Variants in GRID1 observed in about 807,000 individuals in gnomAD.
GRID1 encodes glutamate ionotropic receptor delta type subunit 1.
GRID1 carries 28 observed loss-of-function variants against 98.0 expected under a neutral mutation model. The observed-to-expected ratio is 0.29, with a 90% confidence interval of 0.21 to 0.39. The LOEUF (loss-of-function observed/expected upper bound fraction) is 0.39. Ranked by LOEUF, GRID1 falls within the 10% of genes least tolerant of loss-of-function variation. GRID1 has a pLI of 1.00. For missense variants in GRID1, 1,111 were observed against 1,340.5 expected, an observed-to-expected ratio of 0.83 and a Z score of 2.67; for synonymous variants, 553 against 538.5, an observed-to-expected ratio of 1.03 and a Z score of -0.37.
chr10:86,276,052 A>G (rs2814355), intron 2 of GRID1, among the ~76,000 whole-genome samples: 116 of 152,250 alleles, frequency 7.6e-4, no homozygotes, highest in Non-Finnish European at 1.5e-3. Flanking sequence ...GTCATGTACA[A>G]GGGATTCCCA....
intron 2 of GRID1, among the ~76,000 whole-genome samples, chr10:86,226,486 T>C (rs554228092): frequency 6.4e-4 from 4 of 6,220 alleles, no homozygotes; most frequent in African/African-American, 1.7e-3. Context: ...CACCCCAGCA[T>C]ACCCTCCCAC....
intron 8 of GRID1, among the ~76,000 whole-genome samples, chr10:85,732,765 C>G (rs1841839797): frequency 1.3e-5 from 2 of 152,132 alleles, no homozygotes; most frequent in South Asian, 4.1e-4. Flanking sequence ...ATTCCTTTTT[C>G]TTACAGAATA....
At chr10:86,354,473 C>T (rs934559196) in intron 2 of GRID1, among the ~76,000 whole-genome samples, 3 of 152,164 alleles carry the variant, frequency 2.0e-5, no homozygotes, top group African/African-American at 4.8e-5. Context: ...ACCCCTCTCT[C>T]GGGCGCCATG....
At chr10:85,787,504 C>G (rs188974366) in intron 8 of GRID1, among the ~76,000 whole-genome samples, 30 of 152,298 alleles carry the variant, frequency 2.0e-4, no homozygotes, top group African/African-American at 7.0e-4. Flanking sequence ...TCACTCATCC[C>G]TCCCACAGGA....
intron 5 of GRID1, among the ~76,000 whole-genome samples, chr10:85,876,780 G>C (rs961123109): frequency 6.6e-6 from 1 of 152,228 alleles, no homozygotes; most frequent in African/African-American, 2.4e-5. Flanking sequence ...GCAGCGCACC[G>C]TGTGCCAGCC....
At chr10:85,696,760 T>C (rs1841399492) in intron 12 of GRID1, among the ~76,000 whole-genome samples, 1 of 152,018 alleles carries the variant, frequency 6.6e-6, no homozygotes, top group African/African-American at 2.4e-5. Context: ...AAAACTCTTT[T>C]TTTGTTTCTA....
Position 86,138,811 on chromosome 10 carries a change from T to C in GRID1, c.726+8A>G. ...AGGCCCCTGAGGCCTCAGGCCCCCA[T>C]GACCTACCTCGTTGATGAAGGAGTG... On this transcript the variant is annotated splice_region_variant and intron_variant, in intron 4 of 15. Transcript: ENST00000327946. 1 of 1,611,710 alleles carries C rather than the reference T, an allele frequency of 6.2e-7. No homozygotes were observed. The highest frequency in any genetic ancestry group is 1.1e-5 in the South Asian group (1 of 91,036).
At chr10:85,722,086 T>A (rs1841709039) in intron 12 of GRID1, among the ~76,000 whole-genome samples, 1 of 152,206 alleles carries the variant, frequency 6.6e-6, no homozygotes, top group East Asian at 1.9e-4. Flanking sequence ...AATATCATAC[T>A]GAATCTTGAA....
chr10:86,296,106 T>C (rs553685721), intron 2 of GRID1, among the ~76,000 whole-genome samples: 2 of 152,350 alleles, frequency 1.3e-5, no homozygotes, highest in Admixed American at 1.3e-4. Flanking sequence ...ACACCATGGC[T>C]GGCAGCCACA....
chr10:86,158,290 A>T (rs1378631971), intron 3 of GRID1, among the ~76,000 whole-genome samples: 1 of 152,178 alleles, frequency 6.6e-6, no homozygotes, highest in African/African-American at 2.4e-5. Context: ...CAATGAAAAC[A>T]CTGATTACAA....
intron 12 of GRID1, among the ~76,000 whole-genome samples, chr10:85,652,712 C>A (rs903250417): frequency 6.6e-6 from 1 of 152,144 alleles, no homozygotes; most frequent in East Asian, 1.9e-4. Flanking sequence ...GCACCATGAC[C>A]CACCCTGCTG....
chr10:86,239,211 T>G (rs1022824785), intron 2 of GRID1, among the ~76,000 whole-genome samples: 1 of 152,234 alleles, frequency 6.6e-6, no homozygotes, highest in African/African-American at 2.4e-5. Context: ...AGCTTTAAGA[T>G]TTAGTGACTG....
At chr10:86,352,173 TGA>T (rs942868099) in intron 2 of GRID1, among the ~76,000 whole-genome samples, 12 of 152,290 alleles carry the variant, frequency 7.9e-5, no homozygotes, top group African/African-American at 2.6e-4. Flanking sequence ...TGGTTCGAGA[TGA>T]GAGTCACCCA....
intron 12 of GRID1, among the ~76,000 whole-genome samples, chr10:85,654,840 G>GTGCCCTGT (rs1443296365): frequency 6.6e-6 from 1 of 152,242 alleles, no homozygotes; most frequent in Admixed American, 6.5e-5. Context: ...TGGTGCCCTG[G>GTGCCCTGT]TCCCAAATCA....
intron 15 of GRID1, among the ~76,000 whole-genome samples, chr10:85,603,330 G>C (rs1024726165): frequency 6.6e-6 from 1 of 152,116 alleles, no homozygotes; most frequent in African/African-American, 2.4e-5. Flanking sequence ...ATCCCTGTCT[G>C]GAAGGGCAAG....
intron 8 of GRID1, among the ~76,000 whole-genome samples, chr10:85,843,169 C>T (rs1842975578): frequency 6.6e-6 from 1 of 151,794 alleles, no homozygotes. Flanking sequence ...TGGCAAAGGT[C>T]CAAAAGCAAT....
At chr10:86,016,969 C>G (rs930140215) in intron 4 of GRID1, among the ~76,000 whole-genome samples, 1 of 152,186 alleles carries the variant, frequency 6.6e-6, no homozygotes, top group African/African-American at 2.4e-5. Flanking sequence ...GTTCAATGAA[C>G]TTTTACTGAG....
At chr10:86,357,786 C>A (rs1848552289) in intron 2 of GRID1, among the ~76,000 whole-genome samples, 1 of 152,126 alleles carries the variant, frequency 6.6e-6, no homozygotes, top group South Asian at 2.1e-4. Context: ...CAGGGCCTAA[C>A]TCCAGACTAT....
chr10:86,362,307 C>A (rs1848610138), intron 2 of GRID1, among the ~76,000 whole-genome samples: 1 of 152,164 alleles, frequency 6.6e-6, no homozygotes, highest in Non-Finnish European at 1.5e-5. Flanking sequence ...TGGCTGGAGC[C>A]CACCCCAAGC....
Sources: allele counts gnomAD v4.1 joint callset (sites outside exome capture counted in the v4.1 genomes callset), GRCh38; gene constraint gnomAD v4.1.1; transcripts MANE v1.5; gene names NCBI Gene and HGNC (gene_info 2026-07-23, HGNC 2026-07-21).